FAN1: variants seen among roughly 807,000 people sequenced by gnomAD.
FAN1 encodes the protein FANCD2 and FANCI associated nuclease 1.
A neutral mutation model predicts 104.9 loss-of-function variants in FAN1; 91 were observed. The observed-to-expected ratio is 0.87, with a 90% CI of 0.73 to 1.03. The LOEUF is 1.03. Ranked by LOEUF, FAN1 falls within the 50% of genes least tolerant of loss-of-function variation. The pLI is 0.00. For missense variants in FAN1, 1,263 were observed against 1,239.9 expected (o/e 1.02, Z -0.28); for synonymous variants, 478 against 457.6 (o/e 1.04, Z -0.57).
chr15:30,942,934 GT>G lies in FAN1; in HGVS notation c.*1373del. The G allele has an allele frequency of 6.4e-7, 1 of 1,567,742 alleles. No individual in the cohort carries two copies. The highest frequency in any genetic ancestry group is 8.7e-7 in the Non-Finnish European group (1 of 1,154,002). The stretch of plus-strand genomic sequence containing the variant: ...TTCACGGAGCCATTCTGTATACAAG[GT>G]GTGCTCTTTCCAATGTAGAAGGGGT... On this transcript the variant is annotated 3_prime_UTR_variant, in exon 15 of 15. Coordinates refer to ENST00000362065, the MANE Select transcript of FAN1 (RefSeq NM_014967.5).
At position 30,918,431 on chromosome 15, in the gene FAN1, G is replaced by A. The variant is rs562313797; in HGVS notation, c.1943+136G>A. 6.1e-5 allele frequency: 52 copies of A among 849,452 alleles called. No homozygotes were observed. In the East Asian group the frequency reaches 6.6e-4, roughly 11 times the overall value. The allele number at this position is 849,452 out of a possible 1,614,324, so 52.6% of individuals were successfully genotyped here. On this transcript the variant is annotated intron_variant, in intron 6 of 14. Transcript: ENST00000362065. ...CCAGCTGTGGAATTGAATTTTGTGC[G>A]TGCTTTGCCTAGAATGAAAGTGCTG...
At chr15:30,913,287 C>T (rs1304784957) in intron 4 of FAN1, among the ~76,000 whole-genome samples, 2 of 152,150 alleles carry the variant, frequency 1.3e-5, no homozygotes, top group Non-Finnish European at 2.9e-5. Context: ...TGAAGTGGAA[C>T]AGTTTCATCC....
chr15:30,910,860 A>C, intron 4 of FAN1, 45 bp downstream of exon 4: 1 of 1,575,756 alleles, frequency 6.3e-7, no homozygotes, highest in Non-Finnish European at 8.6e-7. Flanking sequence ...AAATGTTGAT[A>C]GCACATATTA....
At chr15:30,925,019 A>G (rs1193211402) in intron 8 of FAN1, 108 bp from the exon 9 acceptor site, 1 of 1,182,054 alleles carries the variant, frequency 8.5e-7, no homozygotes, top group Non-Finnish European at 1.2e-6. Context: ...CTCATTTGCT[A>G]ATCAGCAAAA....
chr15:30,939,370 C>T (rs1357312186), intron 14 of FAN1: 5 of 985,450 alleles, frequency 5.1e-6, no homozygotes, highest in South Asian at 9.4e-5. Context: ...CTCTCTAGTG[C>T]GCCCTGTGCA....
chr15:30,920,476 C>T, intron 6 of FAN1, 69 bp from the exon 7 acceptor site: 4 of 982,384 alleles, frequency 4.1e-6, no homozygotes, highest in Non-Finnish European at 6.4e-6. Flanking sequence ...TCTGCTTTGT[C>T]ACTTGTTATT....
chr15:30,916,916 T>C (rs972638233), intron 5 of FAN1, among the ~76,000 whole-genome samples: 2 of 151,884 alleles, frequency 1.3e-5, no homozygotes, highest in Non-Finnish European at 2.9e-5. Context: ...AAGTGGGACT[T>C]GAGGATGAGA....
rs748701476 is a variant in FAN1 at position 30,908,151 on chromosome 15, A to G, written c.1268A>G (p.Gln423Arg). Residue 423 changes from glutamine to arginine, a missense_variant, in exon 3 of 15, where the codon CAA (glutamine) becomes CGA (arginine). By Grantham distance (43) the Gln-to-Arg change is conservative. Around this residue, in one of 2 missense-constraint regions of FAN1, gnomAD observed 682 missense variants for 571.1 expected, o/e 1.19. Coordinates refer to ENST00000362065, the MANE Select transcript of FAN1 (RefSeq NM_014967.5). ...TGQKLYVRLFQRKLSWIKMTK... is the reference protein window; with the variant it reads ...TGQKLYVRLFRRKLSWIKMTK... ...CAGAAGTTATATGTAAGGCTCTTTC[A>G]ACGTAAATTAAGCTGGATTAAGATG... The G allele has an allele frequency of 6.2e-7, 1 of 1,610,690 alleles. No homozygotes were observed. The highest frequency in any genetic ancestry group is 1.1e-5 in the South Asian group (1 of 89,714).
intron 6 of FAN1, among the ~76,000 whole-genome samples, chr15:30,919,051 A>G (rs1595847997): frequency 6.6e-6 from 1 of 152,336 alleles, no homozygotes; most frequent in East Asian, 1.9e-4. Context: ...TATTCTTACA[A>G]TAAAGTAAGC....
At position 30,904,842 on chromosome 15, in the gene FAN1, TTGA is replaced by T. The variant is rs2061936636; in HGVS notation, c.183_185del (p.Asp61del). ...CCTAGATATGACTTAAACCGGCACC[TTGA>T]TGAAATGTGTGCTAACAATGACTTC... is the stretch of plus-strand genomic sequence containing the variant. On this transcript the variant is annotated inframe_deletion, in exon 2 of 15. Coordinates refer to ENST00000362065, the MANE Select transcript of FAN1 (RefSeq NM_014967.5). 1 of 1,613,272 alleles carries T rather than the reference TTGA, an allele frequency of 6.2e-7. No individual in the cohort carries two copies. The highest frequency in any genetic ancestry group is 1.1e-5 in the South Asian group (1 of 91,076).
chr15:30,939,570 T>C (rs2062968930), intron 14 of FAN1: 2 of 961,420 alleles, frequency 2.1e-6, no homozygotes, highest in Non-Finnish European at 1.2e-6. Context: ...CATACAAAAA[T>C]ATGCATTTTT....
Position 30,905,714 on chromosome 15 carries a change from A to G in FAN1, c.1051A>G (p.Ile351Val), listed in dbSNP as rs1447020313. Residue 351 changes from isoleucine (I) to valine (V), a missense_variant, in exon 2 of 15, where the codon ATC becomes GTC. Ile to Val is a conservative substitution (Grantham distance 29, BLOSUM62 3). Transcript: ENST00000362065. ...GGATGACAGTTGCTTAAACAATGAT[A>G]TCCCTCACAGCATTCCTTTGGAGCA... Reference protein sequence around the residue: ...LQDDSCLNNDIPHSIPLEQGS... With the variant: ...LQDDSCLNNDVPHSIPLEQGS... The G allele has an allele frequency of 1.2e-6, 2 of 1,614,070 alleles. No individual in the cohort carries two copies. The highest frequency in any genetic ancestry group is 1.3e-5 in the African/African-American group (1 of 74,928).
At chr15:30,911,283 G>C (rs1157485422) in intron 4 of FAN1, 1 of 986,650 alleles carries the variant, frequency 1.0e-6, no homozygotes, top group African/African-American at 1.7e-5. Flanking sequence ...TGTTTCAGTT[G>C]AAAATTACAA....
At chr15:30,906,501 G>A (rs1302791061) in intron 2 of FAN1, 1 of 456,702 alleles carries the variant, frequency 2.2e-6, no homozygotes, top group Non-Finnish European at 4.4e-6. Context: ...AGCCAGCAGT[G>A]CAGGTTTGTA....
rs201801852 is a variant in FAN1 at position 30,941,776 on chromosome 15, G to A, written c.*214G>A. On this transcript the variant is annotated 3_prime_UTR_variant, in exon 15 of 15. Coordinates refer to ENST00000362065, the MANE Select transcript of FAN1 (RefSeq NM_014967.5). ...GGAGGGAGAGCTTGTGAAAGGCTGT[G>A]ATGGAGCCACCCAGGCTGATCTGGG... 1 of 1,614,002 alleles carries A rather than the reference G, an allele frequency of 6.2e-7. No individual in the cohort carries two copies. The highest frequency in any genetic ancestry group is 1.3e-5 in the African/African-American group (1 of 75,060).
At chr15:30,922,475 T>C in intron 8 of FAN1, 121 bp downstream of exon 8, 1 of 1,049,476 alleles carries the variant, frequency 9.5e-7, no homozygotes, top group South Asian at 1.6e-5. Context: ...TTTGTTAACA[T>C]TCTTCTTTTG....
intron 4 of FAN1, chr15:30,911,761 C>G: frequency 1.0e-6 from 1 of 959,754 alleles, no homozygotes; most frequent in Non-Finnish European, 1.2e-6. Flanking sequence ...AGCAAGTAAA[C>G]ATTAAATTTA....
In FAN1 at chr15:30,905,075, A is replaced by C; in HGVS notation, c.412A>C (p.Asn138His). ...TAAAAGTAATGATGTGGTGTGCAAA[A>C]ATCAAGATGAGCTGAGAAATCGTAG... ...YFKSNDVVCK[N>H]QDELRNRSVK... is the part of the protein sequence containing the mutation. Residue 138 changes from asparagine to histidine, a missense_variant, in exon 2 of 15, where the codon AAT (asparagine) becomes CAT (histidine). Coordinates refer to ENST00000362065, the MANE Select transcript of FAN1 (RefSeq NM_014967.5). The C allele has an allele frequency of 6.2e-7, 1 of 1,614,072 alleles. No individual in the cohort carries two copies. The highest frequency in any genetic ancestry group is 8.5e-7 in the Non-Finnish European group (1 of 1,180,020).
At chr15:30,940,490 TAG>T in intron 14 of FAN1, 1 of 985,364 alleles carries the variant, frequency 1.0e-6, no homozygotes, top group Non-Finnish European at 1.2e-6. Context: ...GTAACCTCAT[TAG>T]TTATTTCCAG....
Sources: allele counts gnomAD v4.1 joint callset (sites outside exome capture counted in the v4.1 genomes callset), GRCh38; gene constraint gnomAD v4.1.1; regional missense constraint gnomAD v4.1.1; transcripts MANE v1.5; gene names NCBI Gene and HGNC (gene_info 2026-07-23, HGNC 2026-07-21).